Variants in A2M observed in about 807,000 individuals in gnomAD.
A2M encodes the protein alpha-2-macroglobulin.
In A2M, 128 loss-of-function variants were observed where a neutral mutation model predicts 183.9. That is an observed-to-expected ratio of 0.70 (90% CI 0.60 to 0.81). A2M has a LOEUF of 0.81. A2M is among the 30% of genes least tolerant of loss of function. The pLI, the probability that A2M is intolerant of heterozygous loss-of-function variation, is 0.00. For synonymous variants in A2M, 592 were observed against 670.8 expected (o/e 0.88, Z 1.81); for missense variants, 1,495 against 1,787.6 (o/e 0.84, Z 2.95).
chr12:9,073,246 C>T (rs1592330707), intron 29 of A2M, among the ~76,000 whole-genome samples: 1 of 152,200 alleles, frequency 6.6e-6, no homozygotes, highest in African/African-American at 2.4e-5. Flanking sequence ...AAGCAAAGTT[C>T]AGTCTGGCTC....
chr12:9,101,893 T>C (rs2137889600), intron 11 of A2M, among the ~76,000 whole-genome samples: 1 of 152,262 alleles, frequency 6.6e-6, no homozygotes, highest in African/African-American at 2.4e-5. Context: ...GATTGAGATT[T>C]ATATTTCTTA....
At chr12:9,090,576 C>A in intron 19 of A2M, 94 bp from the exon 20 acceptor site, 1 of 1,344,048 alleles carries the variant, frequency 7.4e-7, no homozygotes, top group Non-Finnish European at 1.0e-6. Context: ...GGTTAGATTT[C>A]AGGTTGCCTC....
In A2M at chr12:9,076,809, TG is replaced by T; in HGVS notation, c.3478del (p.Gln1160ArgfsTer16). 1 of 1,614,010 alleles carries T rather than the reference TG, an allele frequency of 6.2e-7. No individual in the cohort carries two copies. The highest frequency in any genetic ancestry group is 8.5e-7 in the Non-Finnish European group (1 of 1,179,958). ...LAYAFALAGN[Q>X]DKRKEVLKSL... is the part of the protein sequence containing the mutation. ...CTTGAGTACTTCCTTCCTCTTGTCCTGGTTACCTGCCAGGGCAAAAGCATAG... is the reference window on the plus strand; with the variant it reads ...CTTGAGTACTTCCTTCCTCTTGTCCTGTTACCTGCCAGGGCAAAAGCATAG... On this transcript the variant is annotated frameshift_variant, in exon 28 of 36. Coordinates refer to ENST00000318602, the MANE Select transcript of A2M (RefSeq NM_000014.6). LOFTEE classifies it high-confidence loss of function.
chr12:9,090,056 T>A, intron 20 of A2M, 33 bp from the exon 21 acceptor site: 1 of 1,571,732 alleles, frequency 6.4e-7, no homozygotes, highest in Non-Finnish European at 8.7e-7. Context: ...ATGAATAGCA[T>A]CTTCCCCTTC....
At chr12:9,112,319 T>A in intron 3 of A2M, 58 bp downstream of exon 3, 2 of 1,598,720 alleles carry the variant, frequency 1.3e-6, no homozygotes, top group Non-Finnish European at 1.7e-6. Flanking sequence ...CTGGGGAACA[T>A]CCAGGGGAAG....
In A2M at chr12:9,109,830, A is replaced by G. The variant is rs746060789; in HGVS notation, c.673+37T>C. 3 of 1,552,176 alleles carry G rather than the reference A, an allele frequency of 1.9e-6. No individual in the cohort carries two copies. The African/African-American group carries it at 4.2e-5, about 21-fold the overall frequency. On this transcript the variant is annotated intron_variant, in intron 6 of 35. Coordinates refer to ENST00000318602, the MANE Select transcript of A2M (RefSeq NM_000014.6). ...CCAGGACCTAAGAGTTTAAATATGAAGAAAAATAATGCTTGATGACTTTTC... is the reference window on the plus strand; with the variant it reads ...CCAGGACCTAAGAGTTTAAATATGAGGAAAAATAATGCTTGATGACTTTTC...
chr12:9,079,919 G>A (rs905164756), intron 23 of A2M, 104 bp from the exon 24 acceptor site: 2 of 1,196,374 alleles, frequency 1.7e-6, no homozygotes, highest in South Asian at 4.2e-5. Context: ...AGAATTTTTA[G>A]GAAGGATGAT....
intron 15 of A2M, among the ~76,000 whole-genome samples, chr12:9,098,083 CTT>C (rs1013149168): frequency 1.3e-5 from 2 of 152,170 alleles, no homozygotes; most frequent in Non-Finnish European, 2.9e-5. Context: ...ATTTTAAGGA[CTT>C]TGGGTACTGT....
At chr12:9,092,850 A>C (rs1949253795) in intron 18 of A2M, among the ~76,000 whole-genome samples, 1 of 152,228 alleles carries the variant, frequency 6.6e-6, no homozygotes. Context: ...TTGCCAAGAT[A>C]TAAAAACAAC....
At chr12:9,103,084 G>C (rs1592381263) in intron 11 of A2M, among the ~76,000 whole-genome samples, 1 of 152,230 alleles carries the variant, frequency 6.6e-6, no homozygotes, top group East Asian at 1.9e-4. Context: ...AGGTCATCTG[G>C]AGAAAATTAG....
intron 6 of A2M, 50 bp from the exon 7 acceptor site, chr12:9,109,455 G>A: frequency 7.0e-7 from 1 of 1,436,072 alleles, no homozygotes; most frequent in Non-Finnish European, 9.8e-7. Flanking sequence ...AACTTTGGGG[G>A]AATTCCTATT....
intron 28 of A2M, among the ~76,000 whole-genome samples, chr12:9,075,913 A>G (rs903336581): frequency 9.4e-4 from 143 of 152,344 alleles, no homozygotes; most frequent in African/African-American, 3.3e-3. Context: ...GCCCTTTTGT[A>G]TATCTATTAT....
Position 9,080,085 on chromosome 12 carries a change from G to A in A2M, c.2854+9C>T, listed in dbSNP as rs1032675523. 1 of 1,570,434 alleles carries A rather than the reference G, an allele frequency of 6.4e-7. No homozygotes were observed. Among genetic ancestry groups the A allele is most frequent in the Non-Finnish European group, 8.7e-7 (1 of 1,155,340 alleles). ...TAATGCCCGGATCCACTAGGGGCTG[G>A]AGACTCACCCAAAACTGAGACAGAA... On this transcript the variant is annotated intron_variant, in intron 23 of 35. Coordinates refer to ENST00000318602, the MANE Select transcript of A2M (RefSeq NM_000014.6).
In A2M at chr12:9,072,818, G is replaced by C. The variant is rs1352642384; in HGVS notation, c.3810C>G (p.Thr1270=). 1.9e-6 allele frequency: 3 copies of C among 1,614,020 alleles called. No individual in the cohort carries two copies. The African/African-American group carries it at 4.0e-5, about 22-fold the overall frequency. ...ALSKYGAATF[T]RTGKAAQVTI... ...TCACCTGTGCAGCCTTCCCAGTCCT[G>C]GTAAATGTGGCTGCTCCATATTTGG... The change falls in exon 30 of 36, where the codon ACC becomes ACG. Residue 1270 remains threonine, a synonymous_variant. Coordinates refer to ENST00000318602, the MANE Select transcript of A2M (RefSeq NM_000014.6).
At chr12:9,070,043 A>G (rs148284133) in intron 32 of A2M, among the ~76,000 whole-genome samples, 149 of 152,372 alleles carry the variant, frequency 9.8e-4, no homozygotes, top group Middle Eastern at 3.4e-3. Context: ...AAAGACAGCT[A>G]AGTATCCTAA....
Position 9,109,908 on chromosome 12 carries a change from G to T in A2M, c.632C>A (p.Ser211Ter). Residue 211 changes from serine to a stop codon, truncating the protein, a stop_gained, in exon 6 of 36, where the codon TCA (serine) becomes TAA (stop). Transcript: ENST00000318602. LOFTEE classifies it high-confidence loss of function. ...GSYKVVVQKK[S>*]GGRTEHPFTV... is the part of the protein sequence containing the mutation. ...GAAAGGGTGCTCTGTCCTTCCACCT[G>T]ATTTCTTCTGTACCACCACCTTGTA... The T allele has an allele frequency of 6.2e-7, 1 of 1,612,998 alleles. No individual in the cohort carries two copies.
rs762445533 is a variant in A2M at position 9,098,850 on chromosome 12, T to TAACC, written c.1702-98_1702-95dup. Reference sequence around the variant, plus strand: ...CAGAGTGTTCCTCATGTACAATGTATAACCACTCTGCTTGACTTCGTGGAG... The same window carrying TAACC: ...CAGAGTGTTCCTCATGTACAATGTATAACCAACCACTCTGCTTGACTTCGTGGAG... On this transcript the variant is annotated intron_variant, in intron 14 of 35. Transcript: ENST00000318602. 1,233 of 1,409,080 alleles carry TAACC rather than the reference T, an allele frequency of 8.8e-4. 1 individual carries two copies. Among genetic ancestry groups the TAACC allele is most frequent in the Non-Finnish European group, 1.1e-3 (1,146 of 1,033,656 alleles). The allele number at this position is 1,409,080 out of a possible 1,614,324, so 87.3% of individuals were successfully genotyped here.
chr12:9,080,243 A>G (rs1948871154), intron 22 of A2M, 66 bp from the exon 23 acceptor site: 1 of 1,134,260 alleles, frequency 8.8e-7, no homozygotes, highest in Non-Finnish European at 1.3e-6. Context: ...AAACAGCTCT[A>G]TGACCCAGAA....
chr12:9,106,696 GACA>G (rs1470423110), intron 8 of A2M, 91 bp from the exon 9 acceptor site: 5 of 602,486 alleles, frequency 8.3e-6, no homozygotes, highest in Admixed American at 2.7e-5. Context: ...TTTGTGGGGG[GACA>G]ACATCATGTA....
Sources: allele counts gnomAD v4.1 joint callset (sites outside exome capture counted in the v4.1 genomes callset), GRCh38; gene constraint gnomAD v4.1.1; transcripts MANE v1.5; gene names NCBI Gene and HGNC (gene_info 2026-07-23, HGNC 2026-07-21).